The following VPS8 variants were observed in gnomAD, a reference collection of about 807,000 sequenced individuals.
VPS8 encodes VPS8 subunit of CORVET complex.
VPS8 carries 129 observed loss-of-function variants against 216.4 expected under a neutral mutation model. That is an observed-to-expected ratio of 0.60 (90% CI 0.52 to 0.69). The LOEUF is 0.69. Among genes scored for constraint, VPS8 ranks in the 30% least tolerant of loss-of-function variants. The pLI is 0.00. For missense variants in VPS8, 1,531 were observed against 1,683.5 expected, an observed-to-expected ratio of 0.91 and a Z score of 1.59; for synonymous variants, 571 against 565.4, an observed-to-expected ratio of 1.01 and a Z score of -0.14.
intron 7 of VPS8, among the ~76,000 whole-genome samples, chr3:184,840,881 T>G (rs1236951164): frequency 6.6e-6 from 1 of 152,188 alleles, no homozygotes. Flanking sequence ...CTGAGAATAC[T>G]TAATAGCAGA....
At chr3:184,942,823 C>A (rs1237230100) in intron 36 of VPS8, among the ~76,000 whole-genome samples, 1 of 152,040 alleles carries the variant, frequency 6.6e-6, no homozygotes, top group African/African-American at 2.4e-5. Context: ...TCAAGCTAAT[C>A]CATAAAAGCT....
chr3:184,868,130 T>G, intron 18 of VPS8, 71 bp downstream of exon 18: 3 of 1,509,026 alleles, frequency 2.0e-6, no homozygotes, highest in Non-Finnish European at 2.7e-6. Flanking sequence ...GTTTTGACTT[T>G]TCAGAAGAAG....
chr3:184,994,139 C>A, intron 43 of VPS8, 76 bp downstream of exon 43: 1 of 1,097,198 alleles, frequency 9.1e-7, no homozygotes, highest in Non-Finnish European at 1.3e-6. Context: ...TGTACCTATA[C>A]TTAAAAAAAA....
chr3:184,949,916 T>A (rs1326982023), intron 36 of VPS8, among the ~76,000 whole-genome samples: 1 of 152,082 alleles, frequency 6.6e-6, no homozygotes, highest in Non-Finnish European at 1.5e-5. Context: ...GCTGTTGTTG[T>A]TTTTTAATTG....
At chr3:184,860,360 T>G (rs1183617014) in intron 15 of VPS8, among the ~76,000 whole-genome samples, 2 of 150,122 alleles carry the variant, frequency 1.3e-5, no homozygotes, top group Non-Finnish European at 3.0e-5. Context: ...AAAAAAAAAG[T>G]ATATGTGTGT....
chr3:184,876,482 C>T (rs1399109056), intron 21 of VPS8, among the ~76,000 whole-genome samples: 2 of 152,194 alleles, frequency 1.3e-5, no homozygotes, highest in South Asian at 2.1e-4. Flanking sequence ...TACATTCTTC[C>T]CTAGGTGATA....
intron 9 of VPS8, chr3:184,849,602 C>T (rs1285501304): frequency 4.9e-5 from 14 of 285,844 alleles, no homozygotes; most frequent in Admixed American, 2.0e-4. Flanking sequence ...CTGATTCATA[C>T]ATCACTAGCT....
rs1283166777 is a variant in VPS8 at position 184,854,154 on chromosome 3, T to C, written c.1016T>C (p.Met339Thr). The C allele has an allele frequency of 6.2e-7, 1 of 1,613,696 alleles. No individual in the cohort carries two copies. Among genetic ancestry groups the C allele is most frequent in the African/African-American group, 1.3e-5 (1 of 74,938 alleles). Residue 339 changes from methionine to threonine, a missense_variant, in exon 13 of 48, where the codon ATG (methionine) becomes ACG (threonine). Transcript: ENST00000625842. The part of the protein sequence containing the change: ...IGLKPSLKVW[M>T]TFPYGRMDPS... ...TTGAAACCATCCTTGAAAGTATGGA[T>C]GACTTTTCCCTATGGCCGGGTGAGT...
intron 7 of VPS8, 156 bp downstream of exon 7, chr3:184,839,908 A>G: frequency 7.1e-7 from 1 of 1,405,472 alleles, no homozygotes; most frequent in Non-Finnish European, 9.2e-7. Context: ...GCTAAAAATT[A>G]TTTGCCTCAC....
intron 28 of VPS8, among the ~76,000 whole-genome samples, chr3:184,918,179 C>T (rs949990442): frequency 6.6e-6 from 1 of 152,142 alleles, no homozygotes; most frequent in South Asian, 2.1e-4. Flanking sequence ...AAAGAAGAAT[C>T]GGTGATGGAG....
intron 19 of VPS8, 67 bp from the exon 20 acceptor site, chr3:184,869,415 G>C: frequency 2.0e-6 from 3 of 1,485,060 alleles, no homozygotes; most frequent in East Asian, 4.5e-5. Context: ...TATGAAACCA[G>C]ACATAGTTTC....
chr3:185,050,322 T>C (rs1436498035), intron 47 of VPS8, among the ~76,000 whole-genome samples: 1 of 151,362 alleles, frequency 6.6e-6, no homozygotes, highest in Non-Finnish European at 1.5e-5. Context: ...GCCCCTGGAG[T>C]AGTGCTTGAG....
chr3:184,918,611 A>G (rs1407143400), intron 28 of VPS8, among the ~76,000 whole-genome samples: 1 of 152,240 alleles, frequency 6.6e-6, no homozygotes, highest in Non-Finnish European at 1.5e-5. Flanking sequence ...TATCTGTTTC[A>G]AAGGAGTGAC....
At chr3:184,829,543 C>A (rs1361131055) in intron 3 of VPS8, among the ~76,000 whole-genome samples, 2 of 152,076 alleles carry the variant, frequency 1.3e-5, no homozygotes, top group Non-Finnish European at 2.9e-5. Flanking sequence ...GGGCATATAC[C>A]TAGGAGGGGA....
At chr3:184,879,802 C>T (rs1729966256) in intron 21 of VPS8, among the ~76,000 whole-genome samples, 1 of 152,174 alleles carries the variant, frequency 6.6e-6, no homozygotes, top group South Asian at 2.1e-4. Flanking sequence ...ACTGATCCCA[C>T]TTAGCTCATT....
At chr3:185,044,978 T>C (rs1712531070) in intron 46 of VPS8, among the ~76,000 whole-genome samples, 1 of 152,130 alleles carries the variant, frequency 6.6e-6, no homozygotes. Flanking sequence ...GAAGCCAAAC[T>C]TTGATTTAGG....
intron 46 of VPS8, among the ~76,000 whole-genome samples, chr3:185,033,927 CT>C (rs1561212134): frequency 1.3e-5 from 2 of 152,030 alleles, no homozygotes; most frequent in Non-Finnish European, 2.9e-5. Flanking sequence ...ATTTGTATAT[CT>C]TTTTTCAAAT....
At chr3:184,838,442 G>C (rs1374112885) in intron 5 of VPS8, among the ~76,000 whole-genome samples, 1 of 151,822 alleles carries the variant, frequency 6.6e-6, no homozygotes, top group Non-Finnish European at 1.5e-5. Flanking sequence ...TTTTTCCTTT[G>C]CATTTCCATT....
chr3:184,935,029 G>A (rs1741349667), intron 34 of VPS8, among the ~76,000 whole-genome samples: 1 of 151,922 alleles, frequency 6.6e-6, no homozygotes, highest in African/African-American at 2.4e-5. Context: ...TATTTTAATG[G>A]TTAAAAATCA....
Sources: gnomAD v4.1 joint callset for allele counts (sites outside exome capture counted in the v4.1 genomes callset) on GRCh38, gnomAD v4.1.1 for gene constraint, MANE v1.5 for transcripts, NCBI Gene and HGNC (gene_info 2026-07-23, HGNC 2026-07-21) for gene names.